Variants in PKNOX2 observed in about 807,000 individuals in gnomAD.
PKNOX2 encodes the protein homeobox protein PKNOX2.
PKNOX2 carries 14 observed loss-of-function variants against 53.1 expected under a neutral mutation model. The observed-to-expected ratio is 0.26, with a 90% CI of 0.17 to 0.41. The LOEUF is 0.41. Ranked by LOEUF, PKNOX2 falls within the 10% of genes least tolerant of loss-of-function variation. The pLI, the probability that PKNOX2 is intolerant of heterozygous loss-of-function variation, is 1.00. For synonymous variants in PKNOX2, 257 were observed against 242.8 expected (o/e 1.06, Z -0.54); for missense variants, 496 against 602.8 (o/e 0.82, Z 1.85).
intron 5 of PKNOX2, among the ~76,000 whole-genome samples, chr11:125,369,832 A>C (rs968682425): frequency 1.3e-5 from 2 of 152,060 alleles, no homozygotes; most frequent in African/African-American, 4.8e-5. Context: ...GCCTCTGAAA[A>C]CTGCCCGACA....
chr11:125,282,131 C>T (rs1300818148), intron 2 of PKNOX2, among the ~76,000 whole-genome samples: 2 of 152,206 alleles, frequency 1.3e-5, no homozygotes, highest in Admixed American at 6.5e-5. Context: ...CTCCCAAGTA[C>T]CTTCAGAAGA....
chr11:125,197,938 G>A (rs1178646806), intron 1 of PKNOX2, among the ~76,000 whole-genome samples: 1 of 152,196 alleles, frequency 6.6e-6, no homozygotes, highest in African/African-American at 2.4e-5. Context: ...GGAAGCTAAT[G>A]GTCACTCCCT....
At chr11:125,294,955 T>C (rs1377053734) in intron 2 of PKNOX2, among the ~76,000 whole-genome samples, 1 of 152,134 alleles carries the variant, frequency 6.6e-6, no homozygotes, top group African/African-American at 2.4e-5. Flanking sequence ...CTCTGCCTTG[T>C]TAGACATGAG....
chr11:125,252,256 T>C (rs12291613), intron 2 of PKNOX2, among the ~76,000 whole-genome samples: 3,759 of 152,194 alleles, frequency 0.025, 167 homozygotes, highest in African/African-American at 0.085. Flanking sequence ...ATGCAAAATT[T>C]CCCACATTTC....
chr11:125,382,866 C>A (rs180747022), intron 5 of PKNOX2, among the ~76,000 whole-genome samples: 1 of 152,240 alleles, frequency 6.6e-6, no homozygotes, highest in Non-Finnish European at 1.5e-5. Flanking sequence ...ACCAGCTTCC[C>A]GGTAGATCTT....
At chr11:125,258,438 C>T (rs967954451) in intron 2 of PKNOX2, among the ~76,000 whole-genome samples, 3 of 152,076 alleles carry the variant, frequency 2.0e-5, no homozygotes, top group South Asian at 4.2e-4. Flanking sequence ...CTCACTGTGT[C>T]CAAGGAAAGA....
rs951092469 is a variant in PKNOX2 at position 125,378,068 on chromosome 11, G to T, written c.228-7483G>T. Among the ~76,000 whole-genome samples the T allele has an allele frequency of 2.0e-5, 3 of 152,208 alleles. No homozygotes were observed. In the South Asian group the frequency reaches 6.2e-4, roughly 32 times the overall value. On this transcript the variant is annotated intron_variant, in intron 5 of 12. Coordinates refer to ENST00000298282, the MANE Select transcript of PKNOX2 (RefSeq NM_001382323.2). ...GCGGTAAACAGATGCCCCAGGAAGG[G>T]GTTAGGGGTCTGTTTGGGAAAGTAG... is the stretch of plus-strand genomic sequence containing the variant.
At chr11:125,173,027 C>G in intron 1 of PKNOX2, among the ~76,000 whole-genome samples, 1 of 152,050 alleles carries the variant, frequency 6.6e-6, no homozygotes, top group East Asian at 1.9e-4. Flanking sequence ...GCTTTGGAGT[C>G]AGATTCTGGG....
intron 2 of PKNOX2, chr11:125,277,623 A>G (rs543570941): frequency 3.3e-5 from 5 of 152,378 alleles, no homozygotes; most frequent in African/African-American, 9.6e-5. Flanking sequence ...CTGCACAAGG[A>G]TGACACACAA....
rs140687509 is a variant in PKNOX2, at chr11:125,422,154, C to T, written c.937-6858C>T. Among the ~76,000 whole-genome samples, 1 of 152,258 alleles carries T rather than the reference C, an allele frequency of 6.6e-6. No homozygotes were observed. Among genetic ancestry groups the T allele is most frequent in the East Asian group, 1.9e-4 (1 of 5,168 alleles). ...ATTGGCCACAGGGAGTGACCCCTCG[C>T]TCCAAGTTGTTGTGGTCCTCAAACC... On this transcript the variant is annotated intron_variant, in intron 10 of 12. Transcript: ENST00000298282. This position sits in a 1 kb window ranked among gnomAD's most constrained non-coding sequence, Gnocchi z 4.1.
At chr11:125,307,600 G>C (rs982617330) in intron 2 of PKNOX2, among the ~76,000 whole-genome samples, 1 of 152,076 alleles carries the variant, frequency 6.6e-6, no homozygotes, top group African/African-American at 2.4e-5. Flanking sequence ...AACAATAAAG[G>C]GGGACATACC....
At position 125,214,661 on chromosome 11, in the gene PKNOX2, A is replaced by G. The variant is rs1565471118; in HGVS notation, c.-200-20384A>G. Among the ~76,000 whole-genome samples, 3 of 152,192 alleles carry G rather than the reference A, an allele frequency of 2.0e-5. No homozygotes were observed. The East Asian group carries it at 5.8e-4, about 29-fold the overall frequency. ...TCAGCACCCCCTAGTTAGCATCTGC[A>G]CCATCAATCAGGCAATGCAGCCCCT... On this transcript the variant is annotated intron_variant, in intron 1 of 12. Coordinates refer to ENST00000298282, the MANE Select transcript of PKNOX2 (RefSeq NM_001382323.2).
At chr11:125,222,688 G>GTGTGTGTATGTGTGTGTGTGCTGTGTA (rs1941307665) in intron 1 of PKNOX2, among the ~76,000 whole-genome samples, 6 of 144,532 alleles carry the variant, frequency 4.2e-5, no homozygotes, top group Non-Finnish European at 1.5e-5. Flanking sequence ...GTGTGCGTAT[G>GTGTGTGTATGTGTGTGTGTGCTGTGTA]TGTGTGTATG....
intron 1 of PKNOX2, among the ~76,000 whole-genome samples, chr11:125,193,168 A>T (rs1956981395): frequency 6.6e-6 from 1 of 152,208 alleles, no homozygotes; most frequent in Admixed American, 6.5e-5. Flanking sequence ...CCCCCTCAAA[A>T]CATTTCTCCA....
intron 1 of PKNOX2, among the ~76,000 whole-genome samples, chr11:125,173,626 A>G (rs888218316): frequency 6.6e-6 from 1 of 152,216 alleles, no homozygotes; most frequent in Non-Finnish European, 1.5e-5. Flanking sequence ...TTTTACTTCC[A>G]CAAAGTCTTC....
intron 1 of PKNOX2, among the ~76,000 whole-genome samples, chr11:125,168,130 G>A (rs573444534): frequency 6.6e-6 from 1 of 152,330 alleles, no homozygotes; most frequent in South Asian, 2.1e-4. Flanking sequence ...ATTTACTTGG[G>A]ACTGGGGGAG....
At chr11:125,398,799 A>C (rs1300795577) in intron 7 of PKNOX2, among the ~76,000 whole-genome samples, 2 of 152,180 alleles carry the variant, frequency 1.3e-5, no homozygotes, top group Non-Finnish European at 2.9e-5. Context: ...ACATCTGCAT[A>C]AGCCACAGGC....
At chr11:125,193,382 T>C (rs1270024822) in intron 1 of PKNOX2, among the ~76,000 whole-genome samples, 1 of 152,200 alleles carries the variant, frequency 6.6e-6, no homozygotes, top group Admixed American at 6.5e-5. Flanking sequence ...TAAAATTCTG[T>C]GAAGTTGCCC....
intron 3 of PKNOX2, among the ~76,000 whole-genome samples, chr11:125,333,069 G>A (rs1356467522): frequency 6.6e-6 from 1 of 152,228 alleles, no homozygotes; most frequent in Non-Finnish European, 1.5e-5. Flanking sequence ...CGTTTCGGGG[G>A]CAAGTTGAGC....
Sources: gnomAD v4.1 joint callset for allele counts (sites outside exome capture counted in the v4.1 genomes callset) on GRCh38, gnomAD v4.1.1 for gene constraint, Gnocchi (gnomAD v3.1) non-coding constraint, MANE v1.5 for transcripts, NCBI Gene and HGNC (gene_info 2026-07-23, HGNC 2026-07-21) for gene names.